The following SERTM1 variants were observed in gnomAD, a reference collection of about 807,000 sequenced individuals.
SERTM1 encodes serine rich and transmembrane domain containing 1.
SERTM1 carries 1 observed loss-of-function variant against 5.5 expected under a neutral mutation model. The ratio of observed to expected loss-of-function variants is 0.18; its 90% CI spans 0.06 to 0.86. The LOEUF is 0.86. Ranked by LOEUF, SERTM1 falls within the 40% of genes least tolerant of loss-of-function variation. The pLI is 0.69. For synonymous variants in SERTM1, 52 were observed against 55.1 expected (o/e 0.94, Z 0.25); for missense variants, 91 against 122.4 (o/e 0.74, Z 1.21).
intron 1 of SERTM1, among the ~76,000 whole-genome samples, chr13:36,678,074 A>G (rs2056680825): frequency 6.6e-6 from 1 of 152,208 alleles, no homozygotes; most frequent in African/African-American, 2.4e-5. Flanking sequence ...AGGAAGAGAA[A>G]AAACAAGTCC....
Position 36,696,043 on chromosome 13 carries a change from T to C in SERTM1, c.*641T>C, listed in dbSNP as rs2056811542. ...TTTTAATAGCAAGACAAACATGTAT[T>C]ATGATGGAGCTTGTGATGTATTTCT... On this transcript the variant is annotated 3_prime_UTR_variant, in exon 2 of 2. Transcript: ENST00000315190. 1 of 167,092 alleles carries C rather than the reference T, an allele frequency of 6.0e-6. No individual in the cohort carries two copies. Among genetic ancestry groups the C allele is most frequent in the Non-Finnish European group, 1.5e-5 (1 of 68,148 alleles). 10.4% of individuals were successfully genotyped at this position (167,092 alleles called of 1,614,324 possible).
chr13:36,685,880 C>T (rs1443670693), intron 1 of SERTM1, among the ~76,000 whole-genome samples: 1 of 152,164 alleles, frequency 6.6e-6, no homozygotes, highest in Non-Finnish European at 1.5e-5. Flanking sequence ...CTACTTTGAA[C>T]CTGGACCACG....
intron 1 of SERTM1, among the ~76,000 whole-genome samples, chr13:36,680,218 C>T (rs368341850): frequency 2.0e-5 from 3 of 152,268 alleles, no homozygotes; most frequent in South Asian, 4.1e-4. Context: ...CTTTGGTGAG[C>T]TTGGATGCTA....
intron 1 of SERTM1, among the ~76,000 whole-genome samples, chr13:36,679,562 C>G (rs917786589): frequency 1.3e-5 from 2 of 152,056 alleles, no homozygotes; most frequent in Non-Finnish European, 2.9e-5. Flanking sequence ...TGCCTGCCAC[C>G]ACACCTGGCT....
rs140909566 is a variant in SERTM1 at position 36,695,700 on chromosome 13, T to A, written c.*298T>A. ...TTCTACTTTGTTGGACGCCGTAGGC[T>A]CATCTGAGGTGGCCTCTCCGTGGAT... On this transcript the variant is annotated 3_prime_UTR_variant, in exon 2 of 2. Transcript: ENST00000315190. The A allele has an allele frequency of 2.8e-6, 1 of 358,024 alleles. No homozygotes were observed. Among genetic ancestry groups the A allele is most frequent in the Non-Finnish European group, 5.3e-6 (1 of 189,500 alleles). The allele number at this position is 358,024 out of a possible 1,614,324, so 22.2% of individuals were successfully genotyped here.
At chr13:36,688,085 T>C (rs921045826) in intron 1 of SERTM1, among the ~76,000 whole-genome samples, 1 of 151,792 alleles carries the variant, frequency 6.6e-6, no homozygotes, top group African/African-American at 2.4e-5. Context: ...CATTTTCTGG[T>C]TGGACAAAAA....
chr13:36,679,165 T>A (rs986772626), intron 1 of SERTM1, among the ~76,000 whole-genome samples: 9 of 152,210 alleles, frequency 5.9e-5, no homozygotes, highest in Non-Finnish European at 1.3e-4. Flanking sequence ...AATTTACTAA[T>A]GCATGTTGAG....
chr13:36,685,411 T>G (rs377223910), intron 1 of SERTM1, among the ~76,000 whole-genome samples: 1 of 152,226 alleles, frequency 6.6e-6, no homozygotes. Flanking sequence ...GAGAGAGCAC[T>G]TAGTCTCCTT....
At chr13:36,687,145 G>T (rs561028063) in intron 1 of SERTM1, among the ~76,000 whole-genome samples, 2 of 152,094 alleles carry the variant, frequency 1.3e-5, no homozygotes, top group South Asian at 2.1e-4. Flanking sequence ...ATCAACTAGG[G>T]TTCTATCTGT....
In SERTM1 at chr13:36,696,609, G is replaced by A. The variant is rs905711787; in HGVS notation, c.*1207G>A. The A allele has an allele frequency of 4.8e-5, 8 of 166,884 alleles. No individual in the cohort carries two copies. Among genetic ancestry groups the A allele is most frequent in the Non-Finnish European group, 2.9e-5 (2 of 68,102 alleles). 10.3% of individuals were successfully genotyped at this position (166,884 alleles called of 1,614,324 possible). On this transcript the variant is annotated 3_prime_UTR_variant, in exon 2 of 2. Coordinates refer to ENST00000315190, the MANE Select transcript of SERTM1 (RefSeq NM_203451.3). ...GCAGCAGAGTATGTCTGAACTCGGC[G>A]GGCGGGTGGCAGGGGCTGTCTGTGA... is the stretch of plus-strand genomic sequence containing the variant.
intron 1 of SERTM1, among the ~76,000 whole-genome samples, chr13:36,689,415 G>A (rs1047840007): frequency 9.2e-5 from 14 of 151,694 alleles, no homozygotes; most frequent in Non-Finnish European, 2.1e-4. Flanking sequence ...TGAGGCGGGA[G>A]CATTGCTTAA....
At chr13:36,687,013 TTGAC>T (rs1231422564) in intron 1 of SERTM1, among the ~76,000 whole-genome samples, 13 of 152,210 alleles carry the variant, frequency 8.5e-5, no homozygotes, top group Admixed American at 7.2e-4. Context: ...TTATCATACT[TTGAC>T]TGTCAGCCAC....
At chr13:36,677,925 A>G (rs1415335723) in intron 1 of SERTM1, among the ~76,000 whole-genome samples, 1 of 152,214 alleles carries the variant, frequency 6.6e-6, no homozygotes, top group Non-Finnish European at 1.5e-5. Context: ...CTCCAAGTAC[A>G]TTTAACCCCT....
intron 1 of SERTM1, among the ~76,000 whole-genome samples, chr13:36,682,294 T>C (rs1453092281): frequency 6.6e-6 from 1 of 152,230 alleles, no homozygotes; most frequent in Non-Finnish European, 1.5e-5. Flanking sequence ...AGTCTGTGGA[T>C]ATAAGATAGG....
Position 36,695,617 on chromosome 13 carries a change from A to T in SERTM1, c.*215A>T. On this transcript the variant is annotated 3_prime_UTR_variant, in exon 2 of 2. Coordinates refer to ENST00000315190, the MANE Select transcript of SERTM1 (RefSeq NM_203451.3). ...AATGTGTGCAAACCCCAAGGTGCAG[A>T]ATTTCACACAAATGGCTTGATGAAT... 1.7e-6 allele frequency: 1 copy of T among 593,066 alleles called. No homozygotes were observed. Among genetic ancestry groups the T allele is most frequent in the Middle Eastern group, 4.6e-4 (1 of 2,176 alleles). The allele number at this position is 593,066 out of a possible 1,614,324, so 36.7% of individuals were successfully genotyped here. A position where few individuals can be genotyped will look rare whatever the true frequency, so the allele number is the denominator to read the frequency against.
intron 1 of SERTM1, among the ~76,000 whole-genome samples, chr13:36,686,807 C>T (rs1174487877): frequency 2.0e-5 from 3 of 152,076 alleles, no homozygotes; most frequent in Admixed American, 2.0e-4. Context: ...CCAAGATCCA[C>T]CAAGGATCTT....
At chr13:36,682,790 T>G (rs2056713906) in intron 1 of SERTM1, among the ~76,000 whole-genome samples, 1 of 152,228 alleles carries the variant, frequency 6.6e-6, no homozygotes, top group Non-Finnish European at 1.5e-5. Flanking sequence ...ATTAGACTCA[T>G]GCACATAATG....
intron 1 of SERTM1, among the ~76,000 whole-genome samples, chr13:36,687,602 G>T (rs1471816895): frequency 6.6e-6 from 1 of 152,076 alleles, no homozygotes; most frequent in East Asian, 1.9e-4. Flanking sequence ...TAGAGAACTT[G>T]ATACATTGGT....
chr13:36,690,281 A>G (rs1203536057), intron 1 of SERTM1, among the ~76,000 whole-genome samples: 1 of 152,142 alleles, frequency 6.6e-6, no homozygotes, highest in East Asian at 1.9e-4. Flanking sequence ...AAGGACTCAT[A>G]ATGAGAGTTC....
Sources: gnomAD v4.1 joint callset for allele counts (sites outside exome capture counted in the v4.1 genomes callset) on GRCh38, gnomAD v4.1.1 for gene constraint, MANE v1.5 for transcripts, NCBI Gene and HGNC (gene_info 2026-07-23, HGNC 2026-07-21) for gene names.